The following CANX variants were observed in gnomAD, a reference collection of about 807,000 sequenced individuals.
The protein encoded by CANX is epididymis secretory sperm binding protein.
Under a neutral mutation model 75.7 loss-of-function variants are expected in CANX, and 14 were observed. The observed-to-expected ratio is 0.19, with a 90% CI of 0.12 to 0.29. The LOEUF (loss-of-function observed/expected upper bound fraction) is 0.29, where lower values mean the gene tolerates loss of function less well. Ranked by LOEUF, CANX falls within the 10% of genes least tolerant of loss-of-function variation. The probability of loss-of-function intolerance (pLI) is 1.00; values close to 1 mark genes in which losing one functional copy is unlikely to be tolerated. For missense variants in CANX, 567 were observed against 713.2 expected (o/e 0.79, Z 2.34); for synonymous variants, 227 against 236.9 (o/e 0.96, Z 0.38).
chr5:179,698,374 T>A (rs554876671), upstream of CANX: 3 of 1,202,224 alleles, frequency 2.5e-6, no homozygotes, highest in Admixed American at 6.1e-5. Context: ...GGCCGAGCCA[T>A]GACTCTGCAG....
intron 7 of CANX, 27 bp from the exon 8 acceptor site, chr5:179,716,078 T>C: frequency 6.6e-7 from 1 of 1,507,388 alleles, no homozygotes; most frequent in Non-Finnish European, 9.2e-7. Context: ...ATTAAGTACT[T>C]TTAATTCCAT....
chr5:179,700,865 CTTT>C (rs530362570), intron 1 of CANX: 4 of 138,496 alleles, frequency 2.9e-5, no homozygotes, highest in Non-Finnish European at 4.7e-5. Context: ...GTGTGGTAAC[CTTT>C]TTTTTTTTTT....
chr5:179,683,433 A>G (rs1307122473), intron 1 of CANX, among the ~76,000 whole-genome samples: 4 of 150,508 alleles, frequency 2.7e-5, no homozygotes, highest in Non-Finnish European at 5.9e-5. Flanking sequence ...GCGCCCGGCC[A>G]ACTACATATA....
chr5:179,715,631 T>G (rs921501599), intron 7 of CANX, among the ~76,000 whole-genome samples: 2 of 152,208 alleles, frequency 1.3e-5, no homozygotes, highest in South Asian at 4.1e-4. Context: ...AGTAGAATCA[T>G]GAGTGGACAT....
chr5:179,722,775 A>T (rs773117506), intron 10 of CANX, 29 bp from the exon 11 acceptor site: 2 of 1,504,868 alleles, frequency 1.3e-6, no homozygotes, highest in South Asian at 2.3e-5. Context: ...ATTATCTGAA[A>T]TGATTTTCTG....
In CANX at chr5:179,724,703, C is replaced by T. The variant is rs371798319; in HGVS notation, c.1565C>T (p.Pro522Leu). Reference sequence around the variant, plus strand: ...TATAAGAAAACTGATGCACCTCAACCGGATGTGAAGGAAGAGGAAGAAGAG... The same window carrying T: ...TATAAGAAAACTGATGCACCTCAACTGGATGTGAAGGAAGAGGAAGAAGAG... ...MEYKKTDAPQ[P>L]DVKEEEEEKE... The change falls in exon 13 of 15, where the codon CCG becomes CTG. Residue 522 changes from proline (P) to leucine (L), a missense_variant. By Grantham distance (98) the Pro-to-Leu change is moderately conservative. Coordinates refer to ENST00000247461, the MANE Select transcript of CANX (RefSeq NM_001746.4). The T allele has an allele frequency of 3.8e-5, 62 of 1,612,732 alleles. 1 individual carries two copies. Among genetic ancestry groups the T allele is most frequent in the East Asian group, 1.6e-4 (7 of 44,864 alleles).
upstream of CANX, among the ~76,000 whole-genome samples, chr5:179,696,363 C>T (rs1311903279): frequency 6.7e-6 from 1 of 148,806 alleles, no homozygotes; most frequent in Admixed American, 6.7e-5. Context: ...GCAACCTCTG[C>T]CTCCCGGGTT....
At chr5:179,702,072 C>T (rs1319144381) in intron 1 of CANX, among the ~76,000 whole-genome samples, 2 of 151,916 alleles carry the variant, frequency 1.3e-5, no homozygotes, top group East Asian at 3.9e-4. Context: ...GGGTCTTGCT[C>T]TTCATCAGGC....
rs187757819 is a variant in CANX at position 179,721,914 on chromosome 5, T to C, written c.1183-890T>C. On this transcript the variant is annotated intron_variant, in intron 10 of 14. Transcript: ENST00000247461. ...GGCATAGTATATGTATATATACATATACTAATATATGTTTTTCTGTTTGTA... is the reference window on the plus strand; with the variant it reads ...GGCATAGTATATGTATATATACATACACTAATATATGTTTTTCTGTTTGTA... 1.0e-3 allele frequency among the ~76,000 whole-genome samples: 157 copies of C among 152,278 alleles called. 1 individual carries two copies. Among genetic ancestry groups the C allele is most frequent in the African/African-American group, 3.7e-3 (152 of 41,576 alleles).
intron 7 of CANX, among the ~76,000 whole-genome samples, chr5:179,710,706 T>TGAAAAAAAAAAAAA (rs1777488568): frequency 1.1e-4 from 1 of 8,992 alleles, no homozygotes; most frequent in Non-Finnish European, 5.4e-4. Flanking sequence ...AGACTCCATC[T>TGAAAAAAAAAAAAA]CAAAAAAAAA....
At chr5:179,698,713 C>T (rs1041878262), upstream of CANX, 7 of 840,930 alleles carry the variant, frequency 8.3e-6, no homozygotes, top group Non-Finnish European at 1.2e-5. Context: ...CCGGCGGTCT[C>T]GATCCAGCGT....
chr5:179,711,528 C>A (rs1777551769), intron 7 of CANX, among the ~76,000 whole-genome samples: 1 of 152,126 alleles, frequency 6.6e-6, no homozygotes, highest in South Asian at 2.1e-4. Flanking sequence ...GTGGCTCGTG[C>A]CTATAATCCC....
rs559553572 is a variant in CANX at position 179,716,675 on chromosome 5, A to G, written c.911+381A>G. On this transcript the variant is annotated intron_variant, in intron 8 of 14. Coordinates refer to ENST00000247461, the MANE Select transcript of CANX (RefSeq NM_001746.4). ...CTTTTTCCTATTTAAACAACAGTCA[A>G]TTCTCTGCTGTGGGTTGGGTGGTAG... 7.2e-5 allele frequency among the ~76,000 whole-genome samples: 11 copies of G among 152,336 alleles called. No homozygotes were observed. The East Asian group carries it at 9.6e-4, about 13-fold the overall frequency.
chr5:179,720,477 G>A lies in CANX; in HGVS notation c.1099G>A (p.Gly367Ser). ...TAGATGTGAGTCAGCTCCTGGATGT[G>A]GTGTCTGGCAGCGACCTGTGATTGA... is the stretch of plus-strand genomic sequence containing the variant. ...NPRCESAPGC[G>S]VWQRPVIDNP... The change falls in exon 10 of 15, where the codon GGT becomes AGT. Residue 367 changes from glycine (G) to serine (S), a missense_variant. Physicochemically the swap from Gly to Ser is moderately conservative, Grantham distance 56. Around this residue, in one of 3 missense-constraint regions of CANX, gnomAD observed 49 missense variants for 100.1 expected, o/e 0.49. Coordinates refer to ENST00000247461, the MANE Select transcript of CANX (RefSeq NM_001746.4). 1 of 1,613,826 alleles carries A rather than the reference G, an allele frequency of 6.2e-7. No homozygotes were observed. Among genetic ancestry groups the A allele is most frequent in the Non-Finnish European group, 8.5e-7 (1 of 1,179,728 alleles).
At chr5:179,708,692 T>G (rs1777322918) in intron 5 of CANX, among the ~76,000 whole-genome samples, 1 of 152,212 alleles carries the variant, frequency 6.6e-6, no homozygotes, top group East Asian at 1.9e-4. Flanking sequence ...TCCTGCCTAA[T>G]GCATTATTTT....
intron 1 of CANX, among the ~76,000 whole-genome samples, chr5:179,682,831 G>A (rs1776103799): frequency 1.3e-5 from 2 of 152,118 alleles, no homozygotes; most frequent in African/African-American, 4.8e-5. Context: ...GTGGTGCTCG[G>A]TGAAGGCCCT....
chr5:179,712,219 A>G (rs1777611214), intron 7 of CANX, among the ~76,000 whole-genome samples: 1 of 147,990 alleles, frequency 6.8e-6, no homozygotes, highest in South Asian at 2.1e-4. Flanking sequence ...AGTTATATTT[A>G]TAATTATACA....
intron 7 of CANX, among the ~76,000 whole-genome samples, chr5:179,710,960 G>A (rs1193281050): frequency 6.6e-6 from 1 of 151,906 alleles, no homozygotes; most frequent in Non-Finnish European, 1.5e-5. Flanking sequence ...GGAGGCTGAG[G>A]CAGCAGAATT....
upstream of CANX, chr5:179,698,492 G>A: frequency 7.8e-7 from 1 of 1,289,380 alleles, no homozygotes; most frequent in Non-Finnish European, 1.0e-6. Context: ...GCTGCAACGG[G>A]CCCTTCCTGA....
Sources: gnomAD v4.1 joint callset for allele counts (sites outside exome capture counted in the v4.1 genomes callset) on GRCh38, gnomAD v4.1.1 for gene constraint, gnomAD v4.1.1 regional missense constraint, MANE v1.5 for transcripts, NCBI Gene and HGNC (gene_info 2026-07-23, HGNC 2026-07-21) for gene names.